Variants in ARHGEF28 observed in about 807,000 individuals in gnomAD.
The protein encoded by ARHGEF28 is 190 kDa guanine nucleotide exchange factor.
Under a neutral mutation model 206.6 loss-of-function variants are expected in ARHGEF28, and 152 were observed. The observed-to-expected ratio is 0.74, with a 90% CI of 0.64 to 0.84. The LOEUF (loss-of-function observed/expected upper bound fraction) is 0.84, where lower values mean the gene tolerates loss of function less well. Ranked by LOEUF, ARHGEF28 falls within the 40% of genes least tolerant of loss-of-function variation. ARHGEF28 has a pLI of 0.00. For synonymous variants in ARHGEF28, 763 were observed against 776.4 expected, an observed-to-expected ratio of 0.98 and a Z score of 0.29; for missense variants, 2,028 against 2,073.2, an observed-to-expected ratio of 0.98 and a Z score of 0.42.
At chr5:73,718,448 T>C (rs936928868) in intron 2 of ARHGEF28, among the ~76,000 whole-genome samples, 1 of 152,226 alleles carries the variant, frequency 6.6e-6, no homozygotes, top group African/African-American at 2.4e-5. Flanking sequence ...CTCTGCACCT[T>C]TCCAGGATGG....
chr5:73,651,280 C>T (rs1419714189), intron 1 of ARHGEF28, among the ~76,000 whole-genome samples: 2 of 152,068 alleles, frequency 1.3e-5, no homozygotes, highest in Non-Finnish European at 2.9e-5. Flanking sequence ...ACATTGGACC[C>T]CAGTCTGTTT....
intron 35 of ARHGEF28, 157 bp downstream of exon 35, chr5:73,911,732 A>C: frequency 1.3e-6 from 1 of 797,978 alleles, no homozygotes; most frequent in East Asian, 2.7e-5. Context: ...TCTTTGGGGA[A>C]GTCTGGGGAC....
At chr5:73,846,815 TA>T (rs1251110069) in intron 12 of ARHGEF28, among the ~76,000 whole-genome samples, 1 of 152,244 alleles carries the variant, frequency 6.6e-6, no homozygotes, top group Non-Finnish European at 1.5e-5. Flanking sequence ...TAAATGAGTT[TA>T]AGTGATCAAA....
At chr5:73,706,613 A>C (rs1356915072) in intron 2 of ARHGEF28, among the ~76,000 whole-genome samples, 2 of 152,198 alleles carry the variant, frequency 1.3e-5, no homozygotes, top group East Asian at 1.9e-4. Context: ...TATTGACTGA[A>C]TGAATGAATG....
chr5:73,816,969 GT>G (rs1281293415), intron 9 of ARHGEF28, among the ~76,000 whole-genome samples: 1 of 151,980 alleles, frequency 6.6e-6, no homozygotes, highest in African/African-American at 2.4e-5. Flanking sequence ...GTTTTGTTTT[GT>G]TTTTGTTTTT....
At chr5:73,670,479 G>GT (rs148154505) in intron 1 of ARHGEF28, among the ~76,000 whole-genome samples, 2,110 of 152,264 alleles carry the variant, frequency 0.014, 22 homozygotes, top group Middle Eastern at 0.037. Context: ...TCATGTACAG[G>GT]TTTTTGTGTG....
At chr5:73,927,695 G>A (rs1580116641) in intron 35 of ARHGEF28, among the ~76,000 whole-genome samples, 1 of 152,208 alleles carries the variant, frequency 6.6e-6, no homozygotes, top group South Asian at 2.1e-4. Context: ...GGTACTTTAA[G>A]GGCCTAATTT....
chr5:73,867,682 T>G (rs1019564078), intron 18 of ARHGEF28, among the ~76,000 whole-genome samples, 194 bp from the exon 19 acceptor site: 1 of 151,962 alleles, frequency 6.6e-6, no homozygotes, highest in African/African-American at 2.4e-5. Context: ...GCAGCATGGG[T>G]GTCAGGAGGG....
intron 9 of ARHGEF28, among the ~76,000 whole-genome samples, chr5:73,809,681 T>C (rs906102274): frequency 1.3e-5 from 2 of 152,196 alleles, no homozygotes; most frequent in Non-Finnish European, 2.9e-5. Context: ...TCAAGGAAAG[T>C]TTCCTTTCTG....
At chr5:73,768,383 T>A (rs914413179) in intron 4 of ARHGEF28, among the ~76,000 whole-genome samples, 13 of 152,152 alleles carry the variant, frequency 8.5e-5, no homozygotes, top group Admixed American at 2.0e-4. Context: ...GGCTTTACCC[T>A]GCAAAGCCAC....
intron 2 of ARHGEF28, among the ~76,000 whole-genome samples, chr5:73,689,291 A>G (rs1035090217): frequency 2.6e-5 from 4 of 152,110 alleles, no homozygotes; most frequent in East Asian, 1.9e-4. Context: ...TCTTGGAGAT[A>G]TAGTAATATT....
chr5:73,780,610 T>C, intron 6 of ARHGEF28, 66 bp from the exon 7 acceptor site: 1 of 1,468,846 alleles, frequency 6.8e-7, no homozygotes, highest in Non-Finnish European at 9.2e-7. Flanking sequence ...GCCTCTTTGT[T>C]GTATATCTGG....
intron 16 of ARHGEF28, among the ~76,000 whole-genome samples, chr5:73,859,295 C>T (rs554859798): frequency 9.9e-5 from 15 of 152,202 alleles, no homozygotes; most frequent in Non-Finnish European, 1.6e-4. Context: ...AGTAGTGAGG[C>T]GCAGGCAGGT....
At chr5:73,676,306 G>T (rs1746684813) in intron 1 of ARHGEF28, among the ~76,000 whole-genome samples, 1 of 151,090 alleles carries the variant, frequency 6.6e-6, no homozygotes, top group South Asian at 2.1e-4. Flanking sequence ...TGTGATCTTG[G>T]CTCACTGCAA....
chr5:73,812,015 T>A (rs950308532), intron 9 of ARHGEF28, among the ~76,000 whole-genome samples: 4 of 149,460 alleles, frequency 2.7e-5, no homozygotes, highest in Non-Finnish European at 4.4e-5. Flanking sequence ...AAATAGAAAA[T>A]GTATCAGTAT....
chr5:73,892,433 G>A (rs1228733340), intron 27 of ARHGEF28, among the ~76,000 whole-genome samples: 1 of 152,102 alleles, frequency 6.6e-6, no homozygotes, highest in Non-Finnish European at 1.5e-5. Flanking sequence ...CCCTCTGCCT[G>A]TGTGCACCCT....
At chr5:73,754,073 T>A (rs143107330) in intron 4 of ARHGEF28, among the ~76,000 whole-genome samples, 1 of 152,372 alleles carries the variant, frequency 6.6e-6, no homozygotes, top group Non-Finnish European at 1.5e-5. Context: ...ATTGCTTTTT[T>A]TTGCTATCCT....
intron 4 of ARHGEF28, among the ~76,000 whole-genome samples, chr5:73,756,813 A>G (rs1752338010): frequency 6.6e-6 from 1 of 152,232 alleles, no homozygotes; most frequent in African/African-American, 2.4e-5. Flanking sequence ...TAGAAATTGT[A>G]TTAGATACTA....
chr5:73,838,710 T>G (rs1757810509), intron 10 of ARHGEF28, among the ~76,000 whole-genome samples: 1 of 152,164 alleles, frequency 6.6e-6, no homozygotes, highest in South Asian at 2.1e-4. Context: ...AAATGAAAAA[T>G]ATGGTGTTCC....
Sources: gnomAD v4.1 joint callset for allele counts (sites outside exome capture counted in the v4.1 genomes callset) on GRCh38, gnomAD v4.1.1 for gene constraint, MANE v1.5 for transcripts, NCBI Gene and HGNC (gene_info 2026-07-23, HGNC 2026-07-21) for gene names.